Variants in CACNA2D1 observed in about 807,000 individuals in gnomAD.
The protein encoded by CACNA2D1 is voltage-dependent calcium channel subunit alpha-2/delta-1.
In CACNA2D1, 53 loss-of-function variants were observed where a neutral mutation model predicts 171.5. The observed-to-expected ratio is 0.31, with a 90% CI of 0.25 to 0.39. The LOEUF is 0.39. Ranked by LOEUF, CACNA2D1 falls within the 10% of genes least tolerant of loss-of-function variation. CACNA2D1 has a pLI of 1.00. For missense variants in CACNA2D1, 903 were observed against 1,299.8 expected (o/e 0.69, Z 4.69); for synonymous variants, 442 against 443.1 (o/e 1.00, Z 0.03).
At chr7:82,369,978 C>G (rs1412378613) in intron 1 of CACNA2D1, among the ~76,000 whole-genome samples, 11 of 151,962 alleles carry the variant, frequency 7.2e-5, no homozygotes, top group Admixed American at 6.6e-4. Flanking sequence ...CAATAAATGT[C>G]CCCCAAAATC....
chr7:82,225,553 A>G (rs1335759791), intron 3 of CACNA2D1, among the ~76,000 whole-genome samples: 2 of 152,200 alleles, frequency 1.3e-5, no homozygotes, highest in Non-Finnish European at 2.9e-5. Flanking sequence ...TTATGACCCA[A>G]TACAAATTTA....
intron 1 of CACNA2D1, among the ~76,000 whole-genome samples, chr7:82,424,992 C>A (rs928397344): frequency 1.3e-5 from 2 of 152,158 alleles, no homozygotes; most frequent in Admixed American, 6.5e-5. Context: ...AATTCCCACT[C>A]CTGCAGAACC....
intron 15 of CACNA2D1, among the ~76,000 whole-genome samples, chr7:82,009,713 T>C (rs1158997810): frequency 2.0e-5 from 3 of 152,110 alleles, no homozygotes; most frequent in Non-Finnish European, 4.4e-5. Flanking sequence ...AAGATAATTA[T>C]GAATGAACTC....
At chr7:81,982,858 A>C in intron 23 of CACNA2D1, 1 of 592,700 alleles carries the variant, frequency 1.7e-6, no homozygotes. Flanking sequence ...AGTTATTTCA[A>C]AGAAAATGCT....
intron 5 of CACNA2D1, among the ~76,000 whole-genome samples, chr7:82,125,875 A>T (rs190364635): frequency 1.3e-5 from 2 of 152,322 alleles, no homozygotes; most frequent in East Asian, 3.9e-4. Context: ...AATTCATGAC[A>T]ATAAAATGAA....
intron 12 of CACNA2D1, among the ~76,000 whole-genome samples, chr7:82,022,550 AG>A (rs939970553): frequency 4.6e-5 from 7 of 151,882 alleles, no homozygotes; most frequent in African/African-American, 1.7e-4. Flanking sequence ...TGCATGAAGA[AG>A]CCAAGCAGAG....
At chr7:82,312,268 T>A (rs1448265469) in intron 3 of CACNA2D1, among the ~76,000 whole-genome samples, 1 of 152,166 alleles carries the variant, frequency 6.6e-6, no homozygotes, top group African/African-American at 2.4e-5. Flanking sequence ...ATTTTATTAT[T>A]ACCTGCAATC....
At chr7:82,373,730 T>A (rs1024373915) in intron 1 of CACNA2D1, among the ~76,000 whole-genome samples, 1 of 152,204 alleles carries the variant, frequency 6.6e-6, no homozygotes, top group Non-Finnish European at 1.5e-5. Flanking sequence ...TTAGACACTC[T>A]CCATTCTGTT....
intron 3 of CACNA2D1, among the ~76,000 whole-genome samples, chr7:82,228,449 G>A (rs929350): frequency 0.023 from 3,457 of 152,146 alleles, 138 homozygotes; most frequent in African/African-American, 0.079. Flanking sequence ...TGTGGTACTT[G>A]GTTATACATC....
rs182069590 is a variant in CACNA2D1, at chr7:82,429,094, A to T, written c.95+14271T>A. ...TTGATGTTTCAGTTACTCCTAATAA[A>T]TTTACAATCTTTTCCATGGATGATG... On this transcript the variant is annotated intron_variant, in intron 1 of 38. Coordinates refer to ENST00000356860, the MANE Select transcript of CACNA2D1 (RefSeq NM_000722.4). Among the ~76,000 whole-genome samples the T allele has an allele frequency of 1.2e-4, 18 of 152,298 alleles. No individual in the cohort carries two copies. In the East Asian group the frequency reaches 3.1e-3, roughly 26 times the overall value.
At chr7:82,296,335 T>C (rs970849058) in intron 3 of CACNA2D1, among the ~76,000 whole-genome samples, 5 of 152,050 alleles carry the variant, frequency 3.3e-5, no homozygotes, top group Non-Finnish European at 5.9e-5. Flanking sequence ...AAAATGGGAT[T>C]AACATCTCAG....
At chr7:82,138,224 GTC>G (rs1324957848) in intron 4 of CACNA2D1, among the ~76,000 whole-genome samples, 1 of 151,704 alleles carries the variant, frequency 6.6e-6, no homozygotes, top group South Asian at 2.1e-4. Flanking sequence ...TAAAATATAG[GTC>G]TCCATGAAGA....
chr7:82,181,041 A>ATTTT lies in CACNA2D1; in HGVS notation c.295-10436_295-10433dup, dbSNP rs71093367. ...GGTCAGCAGCTGTGGGGCATGTCGG[A>ATTTT]TTTTTTTTTTTTTTTTTTTTTTTTT... On this transcript the variant is annotated intron_variant, in intron 3 of 38. Coordinates refer to ENST00000356860, the MANE Select transcript of CACNA2D1 (RefSeq NM_000722.4). Among the ~76,000 whole-genome samples, 14 of 13,938 alleles carry ATTTT rather than the reference A, an allele frequency of 1.0e-3. 5 individuals carry two copies. The highest frequency in any genetic ancestry group is 1.7e-3 in the Non-Finnish European group (11 of 6,624). 9.1% of individuals were successfully genotyped at this position (13,938 alleles called of 152,430 possible).
intron 1 of CACNA2D1, among the ~76,000 whole-genome samples, chr7:82,365,988 A>G (rs984568462): frequency 6.6e-6 from 1 of 152,164 alleles, no homozygotes; most frequent in Non-Finnish European, 1.5e-5. Context: ...CTACTCTCTT[A>G]GCCAGTGAAT....
At chr7:82,426,138 TATAAATAAATAA>T (rs56342398) in intron 1 of CACNA2D1, among the ~76,000 whole-genome samples, 1,682 of 129,016 alleles carry the variant, frequency 0.013, 16 homozygotes, top group Non-Finnish European at 0.018. Context: ...TTCAAAAATA[TATAAATAAATAA>T]ATAAATAAAT....
At chr7:82,308,174 T>C (rs1465059255) in intron 3 of CACNA2D1, among the ~76,000 whole-genome samples, 1 of 152,152 alleles carries the variant, frequency 6.6e-6, no homozygotes, top group Non-Finnish European at 1.5e-5. Flanking sequence ...GACTCAATGC[T>C]CCATTTGATT....
rs77818663 is a variant in CACNA2D1, at chr7:82,417,722, G to A, written c.95+25643C>T. Among the ~76,000 whole-genome samples, 738 of 152,234 alleles carry A rather than the reference G, an allele frequency of 4.8e-3. 7 individuals carry two copies. Among genetic ancestry groups the A allele is most frequent in the African/African-American group, 0.017 (694 of 41,554 alleles). ...CCGAATTCAAATAAAATGATAGTAG[G>A]TATAGAATACACGTTTACCAAATTT... is the stretch of plus-strand genomic sequence containing the variant. On this transcript the variant is annotated intron_variant, in intron 1 of 38. Transcript: ENST00000356860.
At position 82,042,442 on chromosome 7, in the gene CACNA2D1, T is replaced by C. The variant is rs369888037; in HGVS notation, c.880-4207A>G. ...AAAGAGATTGAAGGAGCTCTGATTTTTTCATCAATTAAGAAAATACTTCTT... is the reference window on the plus strand; with the variant it reads ...AAAGAGATTGAAGGAGCTCTGATTTCTTCATCAATTAAGAAAATACTTCTT... On this transcript the variant is annotated intron_variant, in intron 10 of 38. Transcript: ENST00000356860. Among the ~76,000 whole-genome samples the C allele has an allele frequency of 2.6e-5, 4 of 152,302 alleles. No homozygotes were observed. The East Asian group carries it at 7.7e-4, about 29-fold the overall frequency.
intron 12 of CACNA2D1, among the ~76,000 whole-genome samples, chr7:82,020,655 A>G (rs886094543): frequency 1.1e-4 from 16 of 152,102 alleles, no homozygotes; most frequent in Non-Finnish European, 1.9e-4. Context: ...GGAACCTAAA[A>G]TAACTCAAAA....
Sources: gnomAD v4.1 joint callset for allele counts (sites outside exome capture counted in the v4.1 genomes callset) on GRCh38, gnomAD v4.1.1 for gene constraint, MANE v1.5 for transcripts, NCBI Gene and HGNC (gene_info 2026-07-23, HGNC 2026-07-21) for gene names.